The following ADAM20 variants were observed in gnomAD, a reference collection of about 807,000 sequenced individuals.
ADAM20 encodes ADAM metallopeptidase domain 20.
For missense variants in ADAM20, 871 were observed against 883.2 expected (o/e 0.99, Z 0.18); for synonymous variants, 305 against 310.2 (o/e 0.98, Z 0.18).
At chr14:70,577,469 A>G in the ADAM20 span, among the ~76,000 whole-genome samples, 1 of 152,364 alleles carries the variant, frequency 6.6e-6, no homozygotes, top group East Asian at 1.9e-4. Flanking sequence ...TGTCTGCCAC[A>G]GTGGAGTAAC....
chr14:70,553,525 T>TAAAAAAAAAAAAAAAAAAAAAAACA, the ADAM20 span, among the ~76,000 whole-genome samples: 1 of 56,978 alleles, frequency 1.8e-5, no homozygotes, highest in Non-Finnish European at 3.4e-5. Flanking sequence ...GCAAAAATCC[T>TAAAAAAAAAAAAAAAAAAAAAAACA]AAAAAAAAAA....
the ADAM20 span, among the ~76,000 whole-genome samples, chr14:70,546,752 A>C: frequency 6.6e-6 from 1 of 152,228 alleles, no homozygotes; most frequent in South Asian, 2.1e-4. Flanking sequence ...TTAAAGAACT[A>C]GAAAAGCAAC....
chr14:70,570,579 T>C, the ADAM20 span, among the ~76,000 whole-genome samples: 20 of 152,190 alleles, frequency 1.3e-4, no homozygotes, highest in East Asian at 2.3e-3. Context: ...CAGAAAGATA[T>C]TGAAATCTTG....
At chr14:70,539,574 C>T (rs1328867715), upstream of ADAM20, among the ~76,000 whole-genome samples, 1 of 152,256 alleles carries the variant, frequency 6.6e-6, no homozygotes, top group Non-Finnish European at 1.5e-5. Context: ...TCTAGCTTCA[C>T]ATCCTGTTTC....
chr14:70,577,768 A>G, the ADAM20 span, among the ~76,000 whole-genome samples: 4 of 152,328 alleles, frequency 2.6e-5, no homozygotes, highest in African/African-American at 9.6e-5. Flanking sequence ...AAGTGCCAAG[A>G]CTATTCAATG....
the ADAM20 span, among the ~76,000 whole-genome samples, chr14:70,572,597 T>A: frequency 1.3e-5 from 2 of 151,898 alleles, no homozygotes; most frequent in Non-Finnish European, 2.9e-5. Flanking sequence ...AATAGACAAA[T>A]CAGACTTAAT....
At chr14:70,536,359 A>G (rs568900499), upstream of ADAM20, among the ~76,000 whole-genome samples, 1 of 150,008 alleles carries the variant, frequency 6.7e-6, no homozygotes, top group African/African-American at 2.4e-5. Flanking sequence ...CCAGCTACTC[A>G]GGAGGCTGAG....
At chr14:70,560,421 A>C in the ADAM20 span, among the ~76,000 whole-genome samples, 4 of 152,230 alleles carry the variant, frequency 2.6e-5, no homozygotes, top group Non-Finnish European at 5.9e-5. Context: ...ACCACTTAGC[A>C]AATGTAATGG....
chr14:70,534,415 T>G (rs1883786590), intron 1 of ADAM20, among the ~76,000 whole-genome samples: 1 of 152,130 alleles, frequency 6.6e-6, no homozygotes, highest in South Asian at 2.1e-4. Context: ...ATTCCCATGT[T>G]AACTGCAGCA....
chr14:70,553,861 T>C, the ADAM20 span, among the ~76,000 whole-genome samples: 1 of 152,176 alleles, frequency 6.6e-6, no homozygotes, highest in Non-Finnish European at 1.5e-5. Flanking sequence ...AAGCCTTTCC[T>C]TGAAGGTCTG....
At chr14:70,547,036 A>C in the ADAM20 span, among the ~76,000 whole-genome samples, 9 of 152,204 alleles carry the variant, frequency 5.9e-5, no homozygotes, top group South Asian at 4.1e-4. Context: ...TGTCACAGAA[A>C]TTCAAAGGAT....
the ADAM20 span, among the ~76,000 whole-genome samples, chr14:70,561,993 C>T: frequency 2.0e-5 from 3 of 152,330 alleles, no homozygotes; most frequent in East Asian, 3.9e-4. Context: ...CCTAGTGGAA[C>T]TGTGAGAAGA....
At position 70,523,823 on chromosome 14, in the gene ADAM20, T is replaced by C; in HGVS notation, c.935A>G (p.Tyr312Cys). Reference protein sequence around the residue: ...DTQGMKLGVAYVKGICQNPFN... With the variant: ...DTQGMKLGVACVKGICQNPFN... ...AGGATTCTGGCATATTCCTTTAACA[T>C]AGGCAACACCAAGCTTCATGCCTTG... is the stretch of plus-strand genomic sequence containing the variant. Residue 312 changes from tyrosine (Y) to cysteine (C), a missense_variant, in exon 2 of 2, where the codon TAT becomes TGT. Physicochemically the swap from Tyr to Cys is radical, Grantham distance 194. Coordinates refer to ENST00000256389, the MANE Select transcript of ADAM20 (RefSeq NM_003814.5). 6 of 1,614,068 alleles carry C rather than the reference T, an allele frequency of 3.7e-6. No individual in the cohort carries two copies. Among genetic ancestry groups the C allele is most frequent in the Non-Finnish European group, 5.1e-6 (6 of 1,179,976 alleles).
intron 1 of ADAM20, among the ~76,000 whole-genome samples, chr14:70,526,516 T>C (rs1286300334): frequency 1.3e-5 from 2 of 152,140 alleles, no homozygotes; most frequent in Non-Finnish European, 2.9e-5. Context: ...AACATTAAGA[T>C]GGAAATGGGT....
chr14:70,534,082 CAAAAAAA>C (rs59828723), intron 1 of ADAM20, among the ~76,000 whole-genome samples: 29 of 54,068 alleles, frequency 5.4e-4, no homozygotes, highest in East Asian at 5.3e-3. Context: ...GACCCTGTCT[CAAAAAAA>C]AAAAAAAAAA....
upstream of ADAM20, among the ~76,000 whole-genome samples, chr14:70,539,113 G>A (rs576114308): frequency 5.0e-4 from 76 of 150,824 alleles, no homozygotes; most frequent in African/African-American, 1.8e-3. Flanking sequence ...CCCCCACAGA[G>A]AGCCTATGAA....
the ADAM20 span, among the ~76,000 whole-genome samples, chr14:70,566,970 G>A: frequency 2.6e-5 from 4 of 151,866 alleles, no homozygotes; most frequent in African/African-American, 9.7e-5. Context: ...CAACAAGAGC[G>A]ATACTCCGTT....
chr14:70,528,929 CAA>C (rs202008785), intron 1 of ADAM20, among the ~76,000 whole-genome samples: 1,697 of 152,078 alleles, frequency 0.011, 17 homozygotes, highest in South Asian at 0.03. Flanking sequence ...CAAACTGTTA[CAA>C]GAGACAAAAG....
chr14:70,540,812 G>A, the ADAM20 span, among the ~76,000 whole-genome samples: 1 of 151,524 alleles, frequency 6.6e-6, no homozygotes, highest in Non-Finnish European at 1.5e-5. Flanking sequence ...TTTTTTCTTT[G>A]AGACAGAGTC....
Sources: allele counts gnomAD v4.1 joint callset (sites outside exome capture counted in the v4.1 genomes callset), GRCh38; gene constraint gnomAD v4.1.1; transcripts MANE v1.5; gene names NCBI Gene and HGNC (gene_info 2026-07-23, HGNC 2026-07-21).